COL4A3: variants seen among roughly 807,000 people sequenced by gnomAD.
The protein encoded by COL4A3 is collagen type IV alpha 3 chain.
COL4A3 carries 135 observed loss-of-function variants against 217.4 expected under a neutral mutation model. The observed-to-expected ratio is 0.62, with a 90% CI of 0.54 to 0.72. COL4A3 has a LOEUF of 0.72. Ranked by LOEUF, COL4A3 falls within the 30% of genes least tolerant of loss-of-function variation. The probability of loss-of-function intolerance (pLI) is 0.00; values close to 1 mark genes in which losing one functional copy is unlikely to be tolerated. For missense variants in COL4A3, 1,868 were observed against 2,119.9 expected, an observed-to-expected ratio of 0.88 and a Z score of 2.33; for synonymous variants, 690 against 736.3, an observed-to-expected ratio of 0.94 and a Z score of 1.02.
chr2:227,250,992 G>A lies in COL4A3; in HGVS notation c.547-148G>A. 1 of 698,060 alleles carries A rather than the reference G, an allele frequency of 1.4e-6. No homozygotes were observed. The highest frequency in any genetic ancestry group is 2.6e-6 in the Non-Finnish European group (1 of 390,010). The allele number at this position is 698,060 out of a possible 1,614,324, so 43.2% of individuals were successfully genotyped here. ...GTTACACATGGCAACACTTTTTGATGTTTGTTATCATTAGCTGCAGCCACT... is the reference window on the plus strand; with the variant it reads ...GTTACACATGGCAACACTTTTTGATATTTGTTATCATTAGCTGCAGCCACT... On this transcript the variant is annotated intron_variant, in intron 9 of 51. Coordinates refer to ENST00000396578, the MANE Select transcript of COL4A3 (RefSeq NM_000091.5). The surrounding 1 kb of genome is among the most constrained non-coding windows in gnomAD (Gnocchi z 4.1).
At chr2:227,223,374 C>A (rs945977084) in intron 1 of COL4A3, among the ~76,000 whole-genome samples, 9 of 152,132 alleles carry the variant, frequency 5.9e-5, no homozygotes, top group Non-Finnish European at 1.2e-4. Flanking sequence ...CTGATACTAT[C>A]AAGGAAGTGT....
chr2:227,262,824 G>C (rs868413852), intron 20 of COL4A3, among the ~76,000 whole-genome samples: 6 of 152,078 alleles, frequency 3.9e-5, no homozygotes, highest in Non-Finnish European at 8.8e-5. Flanking sequence ...TTGGTTAATG[G>C]GTACAAGCAT....
Position 227,279,869 on chromosome 2 carries a change from G to T in COL4A3, c.2202G>T (p.Lys734Asn). The T allele has an allele frequency of 6.2e-7, 1 of 1,607,684 alleles. No homozygotes were observed. The highest frequency in any genetic ancestry group is 8.5e-7 in the Non-Finnish European group (1 of 1,176,996). ...GKMGEPGLPG[K>N]PGLPGAKGEP... The stretch of plus-strand genomic sequence containing the variant: ...TGGGAGAGCCTGGGTTACCTGGAAA[G>T]CCAGGCCTCCCAGGAGCCAAGGTAT... The change falls in exon 29 of 52, where the codon AAG becomes AAT. Residue 734 changes from lysine to asparagine, a missense_variant. Transcript: ENST00000396578.
Position 227,312,186 on chromosome 2 carries a change from G to T in COL4A3, c.*316G>T. 2 of 271,838 alleles carry T rather than the reference G, an allele frequency of 7.4e-6. No homozygotes were observed. The highest frequency in any genetic ancestry group is 7.2e-6 in the Non-Finnish European group (1 of 139,566). The allele number at this position is 271,838 out of a possible 1,614,324, so 16.8% of individuals were successfully genotyped here. Reference sequence around the variant, plus strand: ...ATTGTATGAAGTTTGAATGCTGCAAGTTATGAAATATTTGGCCCGCTGGAT... The same window carrying T: ...ATTGTATGAAGTTTGAATGCTGCAATTTATGAAATATTTGGCCCGCTGGAT... On this transcript the variant is annotated 3_prime_UTR_variant, in exon 52 of 52. Transcript: ENST00000396578.
intron 7 of COL4A3, 76 bp from the exon 8 acceptor site, chr2:227,247,482 A>G: frequency 7.2e-7 from 1 of 1,380,266 alleles, no homozygotes; most frequent in Non-Finnish European, 1.0e-6. Flanking sequence ...ACAATAGCAG[A>G]GAGGGCAGAG....
chr2:227,234,498 C>T (rs897042245), intron 1 of COL4A3, among the ~76,000 whole-genome samples: 2 of 152,204 alleles, frequency 1.3e-5, no homozygotes, highest in Non-Finnish European at 2.9e-5. Context: ...AATAGCCATG[C>T]AATTCATAAG....
Position 227,266,499 on chromosome 2 carries a change from T to C in COL4A3, c.1398T>C (p.Asp466=), listed in dbSNP as rs145833114. 1,576 of 1,613,546 alleles carry C rather than the reference T, an allele frequency of 9.8e-4. 19 individuals are homozygous for C. In the African/African-American group the frequency reaches 0.019, roughly 20 times the overall value. Residue 466 remains aspartate (D), a synonymous_variant, in exon 22 of 52, where the codon GAT becomes GAC. Transcript: ENST00000396578. ...YLGSPGIPGV[D]GPKGEPGLLC... is the part of the protein sequence containing the mutation. The stretch of plus-strand genomic sequence containing the variant: ...GGTCTCCAGGAATCCCAGGAGTTGA[T>C]GGGCCCAAAGGTTGGTTCAATCAAT...
At position 227,313,830 on chromosome 2, in the gene COL4A3, G is replaced by A. The variant is rs1006753809; in HGVS notation, c.*1960G>A. 6.6e-6 allele frequency: 1 copy of A among 152,136 alleles called. No homozygotes were observed. Among genetic ancestry groups the A allele is most frequent in the East Asian group, 1.9e-4 (1 of 5,194 alleles). The allele number at this position is 152,136 out of a possible 1,614,324, so 9.4% of individuals were successfully genotyped here. A position where few individuals can be genotyped will look rare whatever the true frequency, so the allele number is the denominator to read the frequency against. On this transcript the variant is annotated 3_prime_UTR_variant, in exon 52 of 52. Coordinates refer to ENST00000396578, the MANE Select transcript of COL4A3 (RefSeq NM_000091.5). ...AGCTAATCTCTACAAACCCTCTGTA[G>A]GCCAGTAGTTCTCAAAGTGTGGTCT...
intron 37 of COL4A3, among the ~76,000 whole-genome samples, chr2:227,291,374 T>C (rs1008650550): frequency 7.2e-5 from 11 of 151,812 alleles, no homozygotes; most frequent in Non-Finnish European, 1.3e-4. Context: ...CCATCTTGGC[T>C]AACATGGTGA....
intron 1 of COL4A3, among the ~76,000 whole-genome samples, chr2:227,180,189 C>T (rs78103967): frequency 0.014 from 2,178 of 152,220 alleles, 36 homozygotes; most frequent in South Asian, 0.044. Context: ...TGCCATCTTA[C>T]GCAAAAGCAG....
rs2066254817 is a variant in COL4A3 at position 227,191,814 on chromosome 2, CTAA to C, written c.87+27008_87+27010del. On this transcript the variant is annotated intron_variant, in intron 1 of 51. Coordinates refer to ENST00000396578, the MANE Select transcript of COL4A3 (RefSeq NM_000091.5). This position sits in a 1 kb window ranked among gnomAD's most constrained non-coding sequence, Gnocchi z 6.8. ...TTTTTCATAATTAGTTTCTGGAACGCTAATAATAAGAAGAACTTAGAATATTAC... is the reference window on the plus strand; with the variant it reads ...TTTTTCATAATTAGTTTCTGGAACGCTAATAAGAAGAACTTAGAATATTAC... Among the ~76,000 whole-genome samples, 1 of 152,000 alleles carries C rather than the reference CTAA, an allele frequency of 6.6e-6. No homozygotes were observed. Among genetic ancestry groups the C allele is most frequent in the African/African-American group, 2.4e-5 (1 of 41,380 alleles).
At chr2:227,196,465 C>T (rs558342343) in intron 1 of COL4A3, among the ~76,000 whole-genome samples, 16 of 146,354 alleles carry the variant, frequency 1.1e-4, no homozygotes, top group South Asian at 7.0e-4. Context: ...CTACAGGCAC[C>T]GGCCACCATG....
intron 1 of COL4A3, among the ~76,000 whole-genome samples, chr2:227,185,892 C>T (rs1051659773): frequency 1.3e-5 from 2 of 152,216 alleles, no homozygotes; most frequent in African/African-American, 4.8e-5. Context: ...TTGGAACTCT[C>T]ATGTGAAAAC....
chr2:227,216,046 T>C (rs965228786), intron 1 of COL4A3, among the ~76,000 whole-genome samples: 3 of 152,108 alleles, frequency 2.0e-5, no homozygotes, highest in African/African-American at 7.2e-5. Flanking sequence ...AGAGACAGAA[T>C]ACAGAGTCGT....
chr2:227,240,350 G>A, intron 3 of COL4A3, 118 bp downstream of exon 3: 1 of 948,274 alleles, frequency 1.1e-6, no homozygotes, highest in South Asian at 1.4e-5. Flanking sequence ...TAGGTGCATG[G>A]TGAACTCCTG....
At chr2:227,219,912 T>C (rs2067694162) in intron 1 of COL4A3, among the ~76,000 whole-genome samples, 1 of 152,162 alleles carries the variant, frequency 6.6e-6, no homozygotes, top group African/African-American at 2.4e-5. Context: ...TCCTGTCCTT[T>C]GAGGTTTAAA....
intron 20 of COL4A3, among the ~76,000 whole-genome samples, chr2:227,263,298 T>G (rs1246375420): frequency 1.3e-5 from 2 of 152,182 alleles, no homozygotes; most frequent in Non-Finnish European, 2.9e-5. Flanking sequence ...AAGATTAGGG[T>G]GGGGTTCGTG....
chr2:227,292,142 G>T (rs763000780), intron 37 of COL4A3, among the ~76,000 whole-genome samples: 4 of 152,080 alleles, frequency 2.6e-5, no homozygotes, highest in Non-Finnish European at 4.4e-5. Flanking sequence ...TATATAAAAA[G>T]TATTACTTAG....
chr2:227,211,459 G>A (rs1166439760), intron 1 of COL4A3, among the ~76,000 whole-genome samples: 1 of 152,164 alleles, frequency 6.6e-6, no homozygotes, highest in Non-Finnish European at 1.5e-5. Flanking sequence ...TTGTCCTGAT[G>A]CAAGTATGTC....
Sources: gnomAD v4.1 joint callset for allele counts (sites outside exome capture counted in the v4.1 genomes callset) on GRCh38, gnomAD v4.1.1 for gene constraint, Gnocchi (gnomAD v3.1) non-coding constraint, MANE v1.5 for transcripts, NCBI Gene and HGNC (gene_info 2026-07-23, HGNC 2026-07-21) for gene names.